CANX: variants seen among roughly 807,000 people sequenced by gnomAD.
The protein encoded by CANX is epididymis secretory sperm binding protein.
CANX carries 14 observed loss-of-function variants against 75.7 expected under a neutral mutation model. The ratio of observed to expected loss-of-function variants is 0.19; its 90% CI spans 0.12 to 0.29. The LOEUF is 0.29. Among genes scored for constraint, CANX ranks in the 10% least tolerant of loss-of-function variants. CANX has a pLI of 1.00. For synonymous variants in CANX, 227 were observed against 236.9 expected, an observed-to-expected ratio of 0.96 and a Z score of 0.38; for missense variants, 567 against 713.2, an observed-to-expected ratio of 0.79 and a Z score of 2.34.
chr5:179,709,095 C>A lies in CANX; in HGVS notation c.528+36C>A, dbSNP rs778392507. On this transcript the variant is annotated intron_variant, in intron 6 of 14. Transcript: ENST00000247461. ...CCCATTTCTGGAATGTGGCTGGACACCCACTATTACCTTGTAAGAATTTTG... is the reference window on the plus strand; with the variant it reads ...CCCATTTCTGGAATGTGGCTGGACAACCACTATTACCTTGTAAGAATTTTG... The A allele has an allele frequency of 1.6e-4, 193 of 1,183,100 alleles. 1 individual carries two copies. Among genetic ancestry groups the A allele is most frequent in the Non-Finnish European group, 2.4e-4 (189 of 786,608 alleles). The allele number at this position is 1,183,100 out of a possible 1,614,324, so 73.3% of individuals were successfully genotyped here.
At chr5:179,678,979 C>T (rs1157402286) in intron 1 of CANX, 1 of 1,535,906 alleles carries the variant, frequency 6.5e-7, no homozygotes, top group Non-Finnish European at 8.7e-7. Flanking sequence ...CGGCCTGGCG[C>T]GTGTTGTGGT....
intron 2 of CANX, 33 bp downstream of exon 2, chr5:179,705,885 C>T (rs537580185): frequency 8.9e-6 from 14 of 1,571,912 alleles, no homozygotes; most frequent in South Asian, 6.7e-5. Flanking sequence ...ATTCCTTTTA[C>T]GTCTTGAGAT....
At chr5:179,681,019 C>T in intron 1 of CANX, 1 of 1,060,014 alleles carries the variant, frequency 9.4e-7, no homozygotes, top group Non-Finnish European at 1.4e-6. Flanking sequence ...AGTTGCTGAG[C>T]TGCTGTCCCA....
At chr5:179,698,896 G>C, upstream of CANX, 5 of 1,157,862 alleles carry the variant, frequency 4.3e-6, no homozygotes, top group Non-Finnish European at 5.4e-6. Flanking sequence ...ACTTGGCGCC[G>C]GCTGTGGCTA....
intron 13 of CANX, among the ~76,000 whole-genome samples, chr5:179,726,190 A>AG (rs376899799): frequency 1.2e-3 from 186 of 152,088 alleles, no homozygotes; most frequent in South Asian, 0.011. Context: ...CCGGAGGCTG[A>AG]GGTAGGAGAT....
chr5:179,679,285 G>A (rs1238739476), intron 1 of CANX: 1 of 1,503,734 alleles, frequency 6.7e-7, no homozygotes, highest in Non-Finnish European at 8.9e-7. Context: ...AAGAGTCCGG[G>A]TGAGCAGCGT....
chr5:179,723,802 A>G (rs1357208272), intron 12 of CANX, 23 bp downstream of exon 12: 4 of 1,576,452 alleles, frequency 2.5e-6, no homozygotes, highest in Non-Finnish European at 3.4e-6. Flanking sequence ...TTTTTTTAGA[A>G]TCAATTTTAG....
intron 11 of CANX, among the ~76,000 whole-genome samples, 153 bp downstream of exon 11, chr5:179,723,172 G>C (rs1022327665): frequency 2.7e-4 from 41 of 152,086 alleles, no homozygotes; most frequent in Admixed American, 7.9e-4. Flanking sequence ...GGGTTTTGGG[G>C]CATGATTTCA....
intron 10 of CANX, among the ~76,000 whole-genome samples, chr5:179,722,169 A>C (rs1456057103): frequency 6.6e-6 from 1 of 152,186 alleles, no homozygotes; most frequent in African/African-American, 2.4e-5. Context: ...ATCTCTACTA[A>C]AAGCACAAAA....
chr5:179,708,169 T>C, intron 4 of CANX, 70 bp from the exon 5 acceptor site: 2 of 1,264,888 alleles, frequency 1.6e-6, no homozygotes, highest in Non-Finnish European at 1.1e-6. Context: ...CTAGGAGGTG[T>C]TTTTTTTGGC....
chr5:179,703,799 A>C (rs1776933881), intron 1 of CANX, among the ~76,000 whole-genome samples: 1 of 152,108 alleles, frequency 6.6e-6, no homozygotes, highest in Non-Finnish European at 1.5e-5. Context: ...AAGACTTAGA[A>C]ATTTTTGCAA....
intron 1 of CANX, among the ~76,000 whole-genome samples, chr5:179,680,469 C>T (rs890058534): frequency 1.3e-5 from 2 of 152,112 alleles, no homozygotes; most frequent in African/African-American, 4.8e-5. Context: ...GCTCCTAATC[C>T]AGCTTGGAAG....
At chr5:179,721,648 T>C (rs2113252460) in intron 10 of CANX, among the ~76,000 whole-genome samples, 1 of 152,254 alleles carries the variant, frequency 6.6e-6, no homozygotes. Flanking sequence ...ATGGTAAGGA[T>C]ACAAGTAGTA....
chr5:179,698,926 C>T (rs1045135733), upstream of CANX: 5 of 1,148,030 alleles, frequency 4.4e-6, no homozygotes, highest in Non-Finnish European at 4.3e-6. Context: ...CAGGGGCGGG[C>T]ACAGGGCCGG....
upstream of CANX, chr5:179,698,668 C>A (rs1270867614): frequency 8.9e-7 from 1 of 1,122,594 alleles, no homozygotes; most frequent in Non-Finnish European, 1.2e-6. Flanking sequence ...CGCGGGAACG[C>A]CTGTTAAACC....
chr5:179,710,185 G>A (rs1433502518), intron 7 of CANX, 120 bp downstream of exon 7: 20 of 592,900 alleles, frequency 3.4e-5, no homozygotes, highest in Non-Finnish European at 5.0e-5. Context: ...CACTTTGGGA[G>A]GCCGAGATGG....
In CANX at chr5:179,729,013, A is replaced by G; in HGVS notation, c.*369A>G. 3.7e-6 allele frequency: 1 copy of G among 271,168 alleles called. No individual in the cohort carries two copies. The highest frequency in any genetic ancestry group is 3.4e-5 in the South Asian group (1 of 29,554). 16.8% of individuals were successfully genotyped at this position (271,168 alleles called of 1,614,324 possible). A position where few individuals can be genotyped will look rare whatever the true frequency, so the allele number is the denominator to read the frequency against. On this transcript the variant is annotated 3_prime_UTR_variant, in exon 15 of 15. Transcript: ENST00000247461. Reference sequence around the variant, plus strand: ...ATTAATCTGTTTGTGCAAACATAATACCACCATTTAAAAATGTTAGGGAGA... The same window carrying G: ...ATTAATCTGTTTGTGCAAACATAATGCCACCATTTAAAAATGTTAGGGAGA...
At chr5:179,678,714 G>C in exon 1 of CANX, 2 of 1,536,990 alleles carry the variant, frequency 1.3e-6, no homozygotes, top group Non-Finnish European at 8.7e-7. Flanking sequence ...TGCTTCTCCA[G>C]CAAGTGCATG....
chr5:179,681,585 C>T (rs1018312998), intron 1 of CANX, among the ~76,000 whole-genome samples: 2 of 152,066 alleles, frequency 1.3e-5, no homozygotes, highest in Admixed American at 1.3e-4. Flanking sequence ...CAAGGGAGCC[C>T]GTCTTTTGTA....
Sources: gnomAD v4.1 joint callset for allele counts (sites outside exome capture counted in the v4.1 genomes callset) on GRCh38, gnomAD v4.1.1 for gene constraint, MANE v1.5 for transcripts, NCBI Gene and HGNC (gene_info 2026-07-23, HGNC 2026-07-21) for gene names.